The following NAIP variants were observed in gnomAD, a reference collection of about 807,000 sequenced individuals.
NAIP encodes the protein NLR family apoptosis inhibitory protein.
NAIP carries 15 observed loss-of-function variants against 23.0 expected under a neutral mutation model. The observed-to-expected ratio is 0.65, with a 90% CI of 0.44 to 1.00. NAIP has a LOEUF of 1.00. Ranked by LOEUF, NAIP falls within the 50% of genes least tolerant of loss-of-function variation. NAIP has a pLI of 0.00. For missense variants in NAIP, 265 were observed against 278.8 expected, an observed-to-expected ratio of 0.95 and a Z score of 0.35; for synonymous variants, 100 against 100.2, an observed-to-expected ratio of 1.00 and a Z score of 0.01.
chr5:71,017,485 C>T (rs1413718637), intron 3 of NAIP, among the ~76,000 whole-genome samples: 1 of 118,720 alleles, frequency 8.4e-6, no homozygotes, highest in South Asian at 2.8e-4. Flanking sequence ...ACCTGTAATC[C>T]CAGCACTTTG....
rs1163436208 is a variant in NAIP, at chr5:70,978,130, CATATAT to C, written c.3443-1078_3443-1073del. On this transcript the variant is annotated intron_variant, in intron 13 of 16. Transcript: ENST00000517649. The stretch of plus-strand genomic sequence containing the variant: ...GTATGCACACACACACACACACACA[CATATAT>C]ATATATATATATATTTTTTTTTTTT... Among the ~76,000 whole-genome samples, 34 of 35,424 alleles carry C rather than the reference CATATAT, an allele frequency of 9.6e-4. 2 individuals are homozygous for C. Among genetic ancestry groups the C allele is most frequent in the East Asian group, 9.5e-3 (7 of 740 alleles). 23.2% of individuals were successfully genotyped at this position (35,424 alleles called of 152,430 possible). A position where few individuals can be genotyped will look rare whatever the true frequency, so the allele number is the denominator to read the frequency against.
At chr5:71,012,287 G>T in intron 4 of NAIP, 61 bp downstream of exon 4, 1 of 1,450,892 alleles carries the variant, frequency 6.9e-7, no homozygotes, top group Non-Finnish European at 9.3e-7. Context: ...AAAAGCAATT[G>T]AAAAATAAAA....
At chr5:71,011,058 C>G (rs911958791) in intron 5 of NAIP, among the ~76,000 whole-genome samples, 2 of 150,908 alleles carry the variant, frequency 1.3e-5, no homozygotes, top group Non-Finnish European at 3.0e-5. Flanking sequence ...CATGGCAAAA[C>G]CCCATCTCTG....
intron 3 of NAIP, among the ~76,000 whole-genome samples, chr5:71,017,398 A>G (rs1306313538): frequency 2.8e-5 from 3 of 106,824 alleles, no homozygotes; most frequent in African/African-American, 6.2e-5. Flanking sequence ...CTGCTTTTGC[A>G]TCATCCTAAA....
At position 71,012,839 on chromosome 5, in the gene NAIP, A is replaced by G. The variant is rs1751228920; in HGVS notation, c.77T>C (p.Leu26Pro). Residue 26 changes from leucine to proline, a missense_variant, in exon 4 of 17, where the codon CTT (leucine) becomes CCT (proline). Around this residue, in one of 2 missense-constraint regions of NAIP, gnomAD observed 261 missense variants for 259.2 expected, o/e 1.01. Coordinates refer to ENST00000517649, the MANE Select transcript of NAIP (RefSeq NM_004536.3). ...DHNLLPELSA[L>P]LGLDAVQLAK... is the part of the protein sequence containing the mutation. ...CAACTGAACTGCATCTAGGCCCAGA[A>G]GAGCAGACAGCTCTGGCAGCAAATT... 2 of 1,611,534 alleles carry G rather than the reference A, an allele frequency of 1.2e-6. No individual in the cohort carries two copies. Among genetic ancestry groups the G allele is most frequent in the African/African-American group, 2.7e-5 (2 of 74,742 alleles).
At chr5:71,009,822 G>T (rs1053916789) in intron 5 of NAIP, among the ~76,000 whole-genome samples, 1 of 151,600 alleles carries the variant, frequency 6.6e-6, no homozygotes, top group African/African-American at 2.4e-5. Flanking sequence ...CACAGTGAAA[G>T]TTTAAAAACT....
chr5:71,008,342 TTACAGGCATGAGCCACCA>T (rs1202737957), intron 5 of NAIP, among the ~76,000 whole-genome samples: 1 of 102,046 alleles, frequency 9.8e-6, no homozygotes, highest in Non-Finnish European at 2.0e-5. Flanking sequence ...AGTGCTGGGA[TTACAGGCATGAGCCACCA>T]TGCCGGGCCT....
intron 3 of NAIP, among the ~76,000 whole-genome samples, chr5:71,016,152 G>A (rs1000417888): frequency 3.3e-5 from 5 of 150,746 alleles, no homozygotes; most frequent in Non-Finnish European, 7.4e-5. Context: ...AACTTAGCGG[G>A]GCATGGTGGC....
At chr5:71,011,659 G>A in intron 4 of NAIP, 1 of 493,056 alleles carries the variant, frequency 2.0e-6, no homozygotes, top group Non-Finnish European at 3.7e-6. Flanking sequence ...AAGTGATAGG[G>A]AAGCCGACTA....
At position 71,012,447 on chromosome 5, in the gene NAIP, G is replaced by T; in HGVS notation, c.469C>A (p.Gln157Lys). ...SRLRGGKMRY[Q>K]EEEARLASFR... ...GACGCAAGTCTAGCCTCCTCTTCTTGGTACCTCATTTTACCTCCTCTCAGC... is the reference window on the plus strand; with the variant it reads ...GACGCAAGTCTAGCCTCCTCTTCTTTGTACCTCATTTTACCTCCTCTCAGC... Residue 157 changes from glutamine (Q) to lysine (K), a missense_variant, in exon 4 of 17, where the codon CAA (glutamine) becomes AAA (lysine). By Grantham distance (53) the Gln-to-Lys change is moderately conservative. Around this residue, in one of 2 missense-constraint regions of NAIP, gnomAD observed 261 missense variants for 259.2 expected, o/e 1.01. Transcript: ENST00000517649. The T allele has an allele frequency of 6.2e-7, 1 of 1,611,466 alleles. No homozygotes were observed. The highest frequency in any genetic ancestry group is 1.7e-5 in the Admixed American group (1 of 59,876).
rs1455213798 is a variant in NAIP at position 71,009,148 on chromosome 5, C to T, written c.668+2127G>A. On this transcript the variant is annotated intron_variant, in intron 5 of 16. Coordinates refer to ENST00000517649, the MANE Select transcript of NAIP (RefSeq NM_004536.3). The stretch of plus-strand genomic sequence containing the variant: ...CCAGGAGTTTGTAGAACCAGGAGTT[C>T]CAGACCAGCCTGGGCAACAAAGTGA... Among the ~76,000 whole-genome samples the T allele has an allele frequency of 6.7e-5, 10 of 148,600 alleles. No individual in the cohort carries two copies. The Admixed American group carries it at 6.7e-4, about 10-fold the overall frequency.
chr5:71,012,865 G>A lies in NAIP; in HGVS notation c.51C>T (p.His17=). Residue 17 remains histidine, a synonymous_variant, in exon 4 of 17, where the codon CAC becomes CAT. Coordinates refer to ENST00000517649, the MANE Select transcript of NAIP (RefSeq NM_004536.3). ...GAGCAGACAGCTCTGGCAGCAAATT[G>A]TGATCAAACTGGGAGATCCTCTCGT... The part of the protein sequence containing the change: ...ASDERISQFD[H]NLLPELSALL... The A allele has an allele frequency of 1.9e-6, 3 of 1,609,154 alleles. 1 individual carries two copies. The highest frequency in any genetic ancestry group is 2.5e-6 in the Non-Finnish European group (3 of 1,177,562).
chr5:71,014,762 G>A (rs1329113723), intron 3 of NAIP, among the ~76,000 whole-genome samples: 5 of 151,288 alleles, frequency 3.3e-5, no homozygotes, highest in African/African-American at 9.7e-5. Flanking sequence ...AATTAGCCGG[G>A]CATGATGGTG....
chr5:71,024,782 G>T lies in NAIP; in HGVS notation c.-386C>A, dbSNP rs1458778228. On this transcript the variant is annotated 5_prime_UTR_variant, in exon 1 of 17. Transcript: ENST00000517649. ...AACCTGTGGTTTATTTTTTAATGGA[G>T]GTGCCATCACTTAGGCATGATTGGT... 1 of 67,082 alleles carries T rather than the reference G, an allele frequency of 1.5e-5. No individual in the cohort carries two copies. Among genetic ancestry groups the T allele is most frequent in the African/African-American group, 4.7e-5 (1 of 21,426 alleles). 4.2% of individuals were successfully genotyped at this position (67,082 alleles called of 1,614,324 possible).
intron 12 of NAIP, among the ~76,000 whole-genome samples, chr5:70,980,554 C>CAAA (rs1300023151): frequency 1.3e-4 from 1 of 7,600 alleles, no homozygotes; most frequent in African/African-American, 7.4e-4. Context: ...GACTCCGTCT[C>CAAA]AAAAAAAAAA....
At chr5:70,973,028 G>A (rs1432698546) in intron 16 of NAIP, among the ~76,000 whole-genome samples, 1 of 148,966 alleles carries the variant, frequency 6.7e-6, no homozygotes, top group South Asian at 2.1e-4. Flanking sequence ...AGCCTCCCGA[G>A]TAGCTGGGAC....
intron 5 of NAIP, among the ~76,000 whole-genome samples, chr5:71,008,182 G>T (rs1369010405): frequency 6.7e-6 from 1 of 148,382 alleles, no homozygotes; most frequent in African/African-American, 2.5e-5. Context: ...CAATTCTCCT[G>T]CCTCAGCCTC....
rs552162051 is a variant in NAIP at position 71,014,209 on chromosome 5, T to A, written c.-3-1291A>T. On this transcript the variant is annotated intron_variant, in intron 3 of 16. Coordinates refer to ENST00000517649, the MANE Select transcript of NAIP (RefSeq NM_004536.3). ...GCCTCCTGGGTTCAAGCAATTCTCC[T>A]GCCTCAGCCTCCTGAGTAGCTGGGA... Among the ~76,000 whole-genome samples, 58 of 150,776 alleles carry A rather than the reference T, an allele frequency of 3.8e-4. 2 individuals carry two copies. The highest frequency in any genetic ancestry group is 2.1e-3 in the South Asian group (10 of 4,758).
At position 71,012,503 on chromosome 5, in the gene NAIP, T is replaced by C. The variant is rs746134651; in HGVS notation, c.413A>G (p.Tyr138Cys). The change falls in exon 4 of 17, where the codon TAC becomes TGC. Residue 138 changes from tyrosine (Y) to cysteine (C), a missense_variant. Tyr to Cys is a radical substitution (Grantham distance 194). Coordinates refer to ENST00000517649, the MANE Select transcript of NAIP (RefSeq NM_004536.3). ...CTTCAGATTCTTCACCCTTATGTCGTACTTGGCAATGTTACCAACATCCTT... is the reference window on the plus strand; with the variant it reads ...CTTCAGATTCTTCACCCTTATGTCGCACTTGGCAATGTTACCAACATCCTT... Reference protein sequence around the residue: ...LNKDVGNIAKYDIRVKNLKSR... With the variant: ...LNKDVGNIAKCDIRVKNLKSR... 6.2e-7 allele frequency: 1 copy of C among 1,611,754 alleles called. No homozygotes were observed. Among genetic ancestry groups the C allele is most frequent in the South Asian group, 1.1e-5 (1 of 90,954 alleles).
Sources: allele counts gnomAD v4.1 joint callset (sites outside exome capture counted in the v4.1 genomes callset), GRCh38; gene constraint gnomAD v4.1.1; regional missense constraint gnomAD v4.1.1; transcripts MANE v1.5; gene names NCBI Gene and HGNC (gene_info 2026-07-23, HGNC 2026-07-21).